PCDHGA6: variants seen among roughly 807,000 people sequenced by gnomAD.
PCDHGA6 encodes the protein protocadherin gamma-A6.
In PCDHGA6, 41 loss-of-function variants were observed where a neutral mutation model predicts 60.6. The observed-to-expected ratio is 0.68, with a 90% CI of 0.53 to 0.88. The LOEUF (loss-of-function observed/expected upper bound fraction) is 0.88. Among genes scored for constraint, PCDHGA6 ranks in the 40% least tolerant of loss-of-function variants. The probability of loss-of-function intolerance (pLI) is 0.00; values close to 1 mark genes in which losing one functional copy is unlikely to be tolerated. For synonymous variants in PCDHGA6, 594 were observed against 524.4 expected (o/e 1.13, Z -1.81); for missense variants, 1,312 against 1,203.0 (o/e 1.09, Z -1.34).
intron 1 of PCDHGA6, chr5:141,400,589 A>G (rs771561940): frequency 4.4e-6 from 7 of 1,605,662 alleles, no homozygotes; most frequent in South Asian, 2.2e-5. Flanking sequence ...ACATGAAACT[A>G]TCGTACATTT....
rs1300601208 is a variant in PCDHGA6 at position 141,499,206 on chromosome 5, AC to A, written c.2483+4344del. On this transcript the variant is annotated intron_variant, in intron 2 of 3. Transcript: ENST00000517434. ...ACCATTTCCCCCTTCTTAGGCTGTA[AC>A]CCAGGCCCTGCCCTGCAGCTGTCCC... Among the ~76,000 whole-genome samples the A allele has an allele frequency of 3.3e-5, 5 of 152,062 alleles. No homozygotes were observed. In the East Asian group the frequency reaches 7.7e-4, roughly 24 times the overall value.
At chr5:141,418,347 G>A in intron 1 of PCDHGA6, 1 of 1,614,024 alleles carries the variant, frequency 6.2e-7, no homozygotes, top group Non-Finnish European at 8.5e-7. Flanking sequence ...CCTGATATTA[G>A]TATGAATTCG....
At chr5:141,425,957 C>A (rs1317696447) in intron 1 of PCDHGA6, among the ~76,000 whole-genome samples, 1 of 152,140 alleles carries the variant, frequency 6.6e-6, no homozygotes, top group Non-Finnish European at 1.5e-5. Context: ...TACATTAGTC[C>A]AACACATCAG....
chr5:141,377,664 C>G (rs1042522537), intron 1 of PCDHGA6: 2 of 151,600 alleles, frequency 1.3e-5, no homozygotes, highest in African/African-American at 2.4e-5. Context: ...AAACGACAGA[C>G]GTTCATACAA....
Position 141,491,190 on chromosome 5 carries a change from C to A in PCDHGA6, c.2425-3617C>A, listed in dbSNP as rs759736855. On this transcript the variant is annotated intron_variant, in intron 1 of 3. Transcript: ENST00000517434. The surrounding 1 kb of genome is among the most constrained non-coding windows in gnomAD (Gnocchi z 6.9). ...AGCAGGTGGTGGTCCTGGTGAGGGA[C>A]AATGGTGACCCTTCACTCTCCTCCA... 1 of 1,614,192 alleles carries A rather than the reference C, an allele frequency of 6.2e-7. No homozygotes were observed. The highest frequency in any genetic ancestry group is 1.1e-5 in the South Asian group (1 of 91,082).
At position 141,486,460 on chromosome 5, in the gene PCDHGA6, T is replaced by A. The variant is rs1218788640; in HGVS notation, c.2425-8347T>A. 6.2e-7 allele frequency: 1 copy of A among 1,614,146 alleles called. No individual in the cohort carries two copies. Among genetic ancestry groups the A allele is most frequent in the South Asian group, 1.1e-5 (1 of 91,082 alleles). On this transcript the variant is annotated intron_variant, in intron 1 of 3. Coordinates refer to ENST00000517434, the MANE Select transcript of PCDHGA6 (RefSeq NM_018919.3). The surrounding 1 kb of genome is among the most constrained non-coding windows in gnomAD (Gnocchi z 5.0). Reference sequence around the variant, plus strand: ...ATGACATCATGGTCACTGCTTCTGATGCTGGGAACCCTCCTCTCAGTACCC... The same window carrying A: ...ATGACATCATGGTCACTGCTTCTGAAGCTGGGAACCCTCCTCTCAGTACCC...
intron 1 of PCDHGA6, chr5:141,421,426 A>T: frequency 1.2e-6 from 2 of 1,614,104 alleles, no homozygotes; most frequent in Non-Finnish European, 8.5e-7. Flanking sequence ...CGGAGTCCGC[A>T]TCGTCTCCAG....
chr5:141,419,285 G>A, intron 1 of PCDHGA6: 2 of 1,614,028 alleles, frequency 1.2e-6, no homozygotes, highest in East Asian at 4.5e-5. Context: ...GCAAGTCAGT[G>A]CCTCTGACCC....
intron 1 of PCDHGA6, chr5:141,400,414 C>G: frequency 6.2e-7 from 1 of 1,614,058 alleles, no homozygotes; most frequent in African/African-American, 1.3e-5. Flanking sequence ...GTTTAATTTC[C>G]TAAAATGTAG....
In PCDHGA6 at chr5:141,432,782, C is replaced by A. The variant is rs547164205; in HGVS notation, c.2424+56275C>A. 6.2e-7 allele frequency: 1 copy of A among 1,614,164 alleles called. No homozygotes were observed. Among genetic ancestry groups the A allele is most frequent in the African/African-American group, 1.3e-5 (1 of 75,052 alleles). ...CAGCATCCCCCAAGTCCTGGCGGAC[C>A]TCGGCAGCCTCGAGTCTCCAGCTAA... On this transcript the variant is annotated intron_variant, in intron 1 of 3. Coordinates refer to ENST00000517434, the MANE Select transcript of PCDHGA6 (RefSeq NM_018919.3). This position sits in a 1 kb window ranked among gnomAD's most constrained non-coding sequence, Gnocchi z 6.0.
Position 141,414,286 on chromosome 5 carries a change from G to T in PCDHGA6, c.2424+37779G>T, listed in dbSNP as rs2095728607. On this transcript the variant is annotated intron_variant, in intron 1 of 3. Transcript: ENST00000517434. Reference sequence around the variant, plus strand: ...AGATTCACCTCTGGGAACAGTCGTAGCCCTTTTAAATGTGCATGATTTAGA... The same window carrying T: ...AGATTCACCTCTGGGAACAGTCGTATCCCTTTTAAATGTGCATGATTTAGA... 1.2e-6 allele frequency: 2 copies of T among 1,613,466 alleles called. No homozygotes were observed. The highest frequency in any genetic ancestry group is 1.7e-6 in the Non-Finnish European group (2 of 1,179,778).
intron 1 of PCDHGA6, chr5:141,404,928 C>G: frequency 2.5e-6 from 4 of 1,613,866 alleles, no homozygotes; most frequent in Non-Finnish European, 3.4e-6. Context: ...GCCACTGTCA[C>G]GCTCACAGTA....
intron 1 of PCDHGA6, chr5:141,423,181 C>T: frequency 1.2e-6 from 2 of 1,613,578 alleles, no homozygotes; most frequent in East Asian, 2.2e-5. Flanking sequence ...GGACCACGGC[C>T]AGCCCCCTCT....
intron 1 of PCDHGA6, chr5:141,421,143 A>T (rs2096549098): frequency 3.1e-6 from 3 of 964,414 alleles, no homozygotes; most frequent in Non-Finnish European, 4.5e-6. Flanking sequence ...TTTTGGATGT[A>T]GTCGGCCTAG....
At chr5:141,449,726 TTTTTTATGACATGATTA>T (rs2098653732) in intron 1 of PCDHGA6, among the ~76,000 whole-genome samples, 1 of 151,792 alleles carries the variant, frequency 6.6e-6, no homozygotes, top group Admixed American at 6.6e-5. Flanking sequence ...ATGATATGAT[TTTTTTATGACATGATTA>T]TTTTTATGAC....
At chr5:141,508,664 T>C (rs1381178258) in intron 3 of PCDHGA6, among the ~76,000 whole-genome samples, 1 of 152,030 alleles carries the variant, frequency 6.6e-6, no homozygotes, top group Non-Finnish European at 1.5e-5. Context: ...TGTCATTCTG[T>C]CTCTGCCTCC....
At chr5:141,410,830 G>T in intron 1 of PCDHGA6, 11 of 332,874 alleles carry the variant, frequency 3.3e-5, no homozygotes, top group East Asian at 5.9e-5. Context: ...TCACCAGACT[G>T]AAGATATTTT....
At chr5:141,421,184 C>G (rs2096551183) in intron 1 of PCDHGA6, 1 of 1,457,940 alleles carries the variant, frequency 6.9e-7, no homozygotes, top group African/African-American at 1.4e-5. Context: ...CGATTCACAA[C>G]CAACCAGCTC....
At chr5:141,408,600 T>C (rs761951478) in intron 1 of PCDHGA6, 7 of 1,613,998 alleles carry the variant, frequency 4.3e-6, no homozygotes, top group Non-Finnish European at 4.2e-6. Flanking sequence ...GCCCCTCAAT[T>C]TGATAAAAAG....
Sources: gnomAD v4.1 joint callset for allele counts (sites outside exome capture counted in the v4.1 genomes callset) on GRCh38, gnomAD v4.1.1 for gene constraint, Gnocchi (gnomAD v3.1) non-coding constraint, MANE v1.5 for transcripts, NCBI Gene and HGNC (gene_info 2026-07-23, HGNC 2026-07-21) for gene names.